Variants in TRAPPC9 observed in about 807,000 individuals in gnomAD.
TRAPPC9 encodes IKK2 binding protein.
Under a neutral mutation model 124.0 loss-of-function variants are expected in TRAPPC9, and 83 were observed. The ratio of observed to expected loss-of-function variants is 0.67; its 90% confidence interval spans 0.56 to 0.80. The LOEUF (loss-of-function observed/expected upper bound fraction) is 0.80. TRAPPC9 is among the 30% of genes least tolerant of loss of function. The pLI, the probability that TRAPPC9 is intolerant of heterozygous loss-of-function variation, is 0.00. For synonymous variants in TRAPPC9, 638 were observed against 617.5 expected (o/e 1.03, Z -0.49); for missense variants, 1,302 against 1,508.3 (o/e 0.86, Z 2.27).
chr8:140,403,360 C>T (rs989470812), intron 6 of TRAPPC9, among the ~76,000 whole-genome samples: 3 of 151,478 alleles, frequency 2.0e-5, no homozygotes, highest in Non-Finnish European at 4.4e-5. Context: ...ATCCAGGAGG[C>T]GGAGGTTGCA....
At chr8:139,932,719 G>A (rs1833266125) in intron 19 of TRAPPC9, 1 of 365,614 alleles carries the variant, frequency 2.7e-6, no homozygotes, top group East Asian at 7.3e-5. Context: ...AGCCGAGATG[G>A]TACCTCTGCA....
chr8:140,323,464 G>A (rs1218588317), intron 9 of TRAPPC9, among the ~76,000 whole-genome samples: 1 of 152,076 alleles, frequency 6.6e-6, no homozygotes, highest in East Asian at 1.9e-4. Context: ...AAGGGTGGCG[G>A]GGAACCGTCT....
chr8:140,250,011 C>G (rs1377744464), intron 16 of TRAPPC9, among the ~76,000 whole-genome samples: 1 of 152,122 alleles, frequency 6.6e-6, no homozygotes, highest in East Asian at 1.9e-4. Flanking sequence ...GTCATTGATA[C>G]AATAATATTA....
At chr8:139,896,418 C>T (rs1449617208) in intron 20 of TRAPPC9, among the ~76,000 whole-genome samples, 2 of 152,218 alleles carry the variant, frequency 1.3e-5, no homozygotes, top group East Asian at 3.8e-4. Context: ...AAGTGCTCAA[C>T]ACGCATCTTC....
intron 20 of TRAPPC9, among the ~76,000 whole-genome samples, chr8:139,902,027 C>T (rs562552836): frequency 1.7e-4 from 26 of 152,306 alleles, no homozygotes; most frequent in African/African-American, 4.8e-4. Context: ...ACATAAGCTA[C>T]GCATGCTCAC....
intron 16 of TRAPPC9, among the ~76,000 whole-genome samples, chr8:140,249,597 CTTTTTTTTTTTTTTT>C (rs35511380): frequency 1.2e-5 from 1 of 81,962 alleles, no homozygotes; most frequent in Non-Finnish European, 2.1e-5. Flanking sequence ...ATCTTTCACT[CTTTTTTTTTTTTTTT>C]TTTTTTTTTG....
At chr8:139,872,572 G>C (rs1298371262) in intron 21 of TRAPPC9, among the ~76,000 whole-genome samples, 1 of 139,922 alleles carries the variant, frequency 7.1e-6, no homozygotes, top group African/African-American at 2.5e-5. Context: ...TGGTGGATGG[G>C]TTGGTGGGTA....
intron 15 of TRAPPC9, among the ~76,000 whole-genome samples, chr8:140,255,424 G>A (rs1366495936): frequency 6.6e-6 from 1 of 152,178 alleles, no homozygotes; most frequent in Non-Finnish European, 1.5e-5. Flanking sequence ...CCACCACCTT[G>A]GATGGTGTTC....
At chr8:139,947,907 T>TATATATATATATATATAG in intron 19 of TRAPPC9, among the ~76,000 whole-genome samples, 4 of 60,370 alleles carry the variant, frequency 6.6e-5, no homozygotes, top group Non-Finnish European at 1.0e-4. Context: ...TATATATATA[T>TATATATATATATATATAG]AGAGAGAGAG....
At chr8:140,258,851 C>T (rs2064330659) in intron 15 of TRAPPC9, among the ~76,000 whole-genome samples, 1 of 152,204 alleles carries the variant, frequency 6.6e-6, no homozygotes, top group South Asian at 2.1e-4. Context: ...CTTTAAATGG[C>T]CTATCCCAGG....
intron 16 of TRAPPC9, among the ~76,000 whole-genome samples, chr8:140,248,245 T>G (rs905643090): frequency 6.6e-6 from 1 of 152,262 alleles, no homozygotes; most frequent in African/African-American, 2.4e-5. Flanking sequence ...TCCCCTAGTT[T>G]CAGCCAGATC....
At chr8:140,362,333 T>C (rs2067980715) in intron 8 of TRAPPC9, among the ~76,000 whole-genome samples, 1 of 152,194 alleles carries the variant, frequency 6.6e-6, no homozygotes, top group Non-Finnish European at 1.5e-5. Flanking sequence ...ATGTGGTTTC[T>C]AGGATCTGCT....
At chr8:139,888,327 T>C (rs1359415102) in intron 20 of TRAPPC9, among the ~76,000 whole-genome samples, 3 of 152,174 alleles carry the variant, frequency 2.0e-5, no homozygotes, top group Non-Finnish European at 4.4e-5. Context: ...CCCCCACGAA[T>C]GAGCTTTGGT....
At chr8:140,047,007 C>T (rs939990239) in intron 17 of TRAPPC9, among the ~76,000 whole-genome samples, 4 of 152,206 alleles carry the variant, frequency 2.6e-5, no homozygotes, top group African/African-American at 9.6e-5. Context: ...CAATAAACTG[C>T]TCTTGTTCCT....
intron 17 of TRAPPC9, among the ~76,000 whole-genome samples, chr8:140,049,905 C>T (rs1031959778): frequency 6.6e-6 from 1 of 152,212 alleles, no homozygotes; most frequent in Non-Finnish European, 1.5e-5. Flanking sequence ...TCAATTCCAC[C>T]ACAACTCAGT....
At chr8:139,947,907 T>TATATATATATATAGAGAGAGAGAGAG in intron 19 of TRAPPC9, among the ~76,000 whole-genome samples, 182 of 60,016 alleles carry the variant, frequency 3.0e-3, no homozygotes, top group South Asian at 4.9e-3. Flanking sequence ...TATATATATA[T>TATATATATATATAGAGAGAGAGAGAG]AGAGAGAGAG....
intron 10 of TRAPPC9, among the ~76,000 whole-genome samples, chr8:140,308,609 A>C (rs528957415): frequency 1.3e-5 from 2 of 152,196 alleles, no homozygotes; most frequent in Non-Finnish European, 2.9e-5. Flanking sequence ...ATGGCCAGGC[A>C]TAGTGGCTCA....
At chr8:139,976,070 T>C (rs74942326) in intron 19 of TRAPPC9, among the ~76,000 whole-genome samples, 10,060 of 151,788 alleles carry the variant, frequency 0.066, 445 homozygotes, top group African/African-American at 0.12. Flanking sequence ...TTTTTGTACT[T>C]TTAGTACAGA....
At chr8:139,755,963 T>A (rs1461624925) in intron 21 of TRAPPC9, among the ~76,000 whole-genome samples, 26 of 90,010 alleles carry the variant, frequency 2.9e-4, no homozygotes, top group South Asian at 4.2e-4. Flanking sequence ...GGAGCCAGGG[T>A]TTGGGGATGA....
Sources: gnomAD v4.1 joint callset for allele counts (sites outside exome capture counted in the v4.1 genomes callset) on GRCh38, gnomAD v4.1.1 for gene constraint, MANE v1.5 for transcripts, NCBI Gene and HGNC (gene_info 2026-07-23, HGNC 2026-07-21) for gene names.